Variants in DIP2A observed in about 807,000 individuals in gnomAD.
The protein encoded by DIP2A is DIP2 acetate--CoA ligase A, also known as disco-interacting protein 2 homolog A.
DIP2A carries 85 observed loss-of-function variants against 177.4 expected under a neutral mutation model. The ratio of observed to expected loss-of-function variants is 0.48; its 90% CI spans 0.40 to 0.57. The LOEUF is 0.57. DIP2A is among the 20% of genes least tolerant of loss of function. The pLI, the probability that DIP2A is intolerant of heterozygous loss-of-function variation, is 0.00. For missense variants in DIP2A, 1,791 were observed against 2,100.2 expected (o/e 0.85, Z 2.88); for synonymous variants, 886 against 881.8 (o/e 1.00, Z -0.08).
At chr21:46,562,618 A>G (rs1175273793) in intron 34 of DIP2A, among the ~76,000 whole-genome samples, 1 of 152,084 alleles carries the variant, frequency 6.6e-6, no homozygotes, top group Non-Finnish European at 1.5e-5. Flanking sequence ...AGCTGCTGTG[A>G]GGGTCTCGAG....
intron 1 of DIP2A, among the ~76,000 whole-genome samples, chr21:46,465,446 T>C (rs1288177674): frequency 6.6e-6 from 1 of 152,152 alleles, no homozygotes; most frequent in Non-Finnish European, 1.5e-5. Context: ...TGGTGGCACG[T>C]GCCTGTAATC....
At chr21:46,462,443 G>T (rs1468735417) in intron 1 of DIP2A, 7 of 152,162 alleles carry the variant, frequency 4.6e-5, no homozygotes. Flanking sequence ...GTAAAAGGGG[G>T]TGAATACCAG....
intron 1 of DIP2A, among the ~76,000 whole-genome samples, chr21:46,460,374 T>G (rs2054191822): frequency 6.6e-6 from 1 of 152,232 alleles, no homozygotes; most frequent in Non-Finnish European, 1.5e-5. Context: ...CAGAAAGGAC[T>G]TGCAGTCCTT....
At chr21:46,496,735 T>C (rs2148517498) in intron 3 of DIP2A, among the ~76,000 whole-genome samples, 1 of 152,356 alleles carries the variant, frequency 6.6e-6, no homozygotes, top group African/African-American at 2.4e-5. Flanking sequence ...TTTGTTTCAC[T>C]TTATTTTCAA....
chr21:46,498,937 G>A lies in DIP2A; in HGVS notation c.655+104G>A. On this transcript the variant is annotated intron_variant, in intron 5 of 37. Coordinates refer to ENST00000417564, the MANE Select transcript of DIP2A (RefSeq NM_015151.4). This position sits in a 1 kb window ranked among gnomAD's most constrained non-coding sequence, Gnocchi z 4.3. Reference sequence around the variant, plus strand: ...CACCTGAGCCAGGCGCCACCCTGCAGACTTAGCTGCAGGCCTGAGTGCTCT... The same window carrying A: ...CACCTGAGCCAGGCGCCACCCTGCAAACTTAGCTGCAGGCCTGAGTGCTCT... 1.4e-6 allele frequency: 2 copies of A among 1,421,674 alleles called. No individual in the cohort carries two copies. The highest frequency in any genetic ancestry group is 1.9e-6 in the Non-Finnish European group (2 of 1,076,442). The allele number at this position is 1,421,674 out of a possible 1,614,324, so 88.1% of individuals were successfully genotyped here. A position where few individuals can be genotyped will look rare whatever the true frequency, so the allele number is the denominator to read the frequency against.
chr21:46,573,090 A>G (rs189368438), downstream of DIP2A, among the ~76,000 whole-genome samples: 2 of 152,280 alleles, frequency 1.3e-5, no homozygotes, highest in East Asian at 3.9e-4. Context: ...TAAGTAATGC[A>G]TGGCTGTATG....
chr21:46,567,339 C>A, intron 37 of DIP2A, 31 bp from the exon 38 acceptor site: 1 of 1,596,044 alleles, frequency 6.3e-7, no homozygotes, highest in Non-Finnish European at 8.6e-7. Context: ...GTGCCTGTAT[C>A]CATGTGACCC....
intron 1 of DIP2A, among the ~76,000 whole-genome samples, chr21:46,476,447 C>T (rs796567040): frequency 2.3e-4 from 35 of 152,006 alleles, no homozygotes; most frequent in African/African-American, 7.5e-4. Context: ...GAAGAGTGCC[C>T]GAGGAAGGCG....
chr21:46,556,222 A>C lies in DIP2A; in HGVS notation c.3498+131A>C, dbSNP rs1455107797. On this transcript the variant is annotated intron_variant, in intron 29 of 37. Transcript: ENST00000417564. This position sits in a 1 kb window ranked among gnomAD's most constrained non-coding sequence, Gnocchi z 4.5. ...GCACAAAGCAACAATTTTGCTTCTT[A>C]AGATTTGTGTTAAATACCAATAAAT... 4 of 1,427,596 alleles carry C rather than the reference A, an allele frequency of 2.8e-6. No individual in the cohort carries two copies. Among genetic ancestry groups the C allele is most frequent in the Non-Finnish European group, 3.9e-6 (4 of 1,029,458 alleles). The allele number at this position is 1,427,596 out of a possible 1,614,324, so 88.4% of individuals were successfully genotyped here. A position where few individuals can be genotyped will look rare whatever the true frequency, so the allele number is the denominator to read the frequency against.
At chr21:46,533,141 G>A (rs762251) in intron 10 of DIP2A, among the ~76,000 whole-genome samples, 126,434 of 152,166 alleles carry the variant, frequency 0.83, 52,882 homozygotes, top group African/African-American at 0.92. Flanking sequence ...TAATATCGTT[G>A]GTGACCAGGC....
intron 7 of DIP2A, among the ~76,000 whole-genome samples, 178 bp downstream of exon 7, chr21:46,509,554 A>T (rs1776606394): frequency 6.6e-6 from 1 of 152,138 alleles, no homozygotes; most frequent in Admixed American, 6.5e-5. Flanking sequence ...CCTTTATTTG[A>T]GCAGGTAGAA....
chr21:46,463,344 C>T (rs924664446), intron 1 of DIP2A: 5 of 152,212 alleles, frequency 3.3e-5, no homozygotes, highest in South Asian at 4.1e-4. Context: ...CAGTGCTGTA[C>T]GTGTCTTGGA....
chr21:46,487,361 G>T (rs1395654088), intron 2 of DIP2A, among the ~76,000 whole-genome samples: 1 of 152,074 alleles, frequency 6.6e-6, no homozygotes, highest in Non-Finnish European at 1.5e-5. Flanking sequence ...TATCTCTAAA[G>T]CCCATTTGTC....
intron 8 of DIP2A, among the ~76,000 whole-genome samples, chr21:46,520,375 A>T (rs2058772988): frequency 6.6e-6 from 1 of 152,208 alleles, no homozygotes. Context: ...AGCTCATGTC[A>T]AAACAAGTTA....
intron 15 of DIP2A, 122 bp from the exon 16 acceptor site, chr21:46,538,360 GC>G: frequency 1.5e-6 from 2 of 1,363,574 alleles, no homozygotes; most frequent in Non-Finnish European, 1.9e-6. Flanking sequence ...TGACCTGGGA[GC>G]TAAGTGTTGT....
chr21:46,536,480 G>A (rs890354215), intron 13 of DIP2A, among the ~76,000 whole-genome samples: 8 of 152,346 alleles, frequency 5.3e-5, no homozygotes, highest in African/African-American at 1.4e-4. Flanking sequence ...GGGAGATGCC[G>A]GATCACGGCC....
intron 1 of DIP2A, among the ~76,000 whole-genome samples, chr21:46,466,102 G>T (rs539652977): frequency 6.6e-6 from 1 of 152,160 alleles, no homozygotes; most frequent in African/African-American, 2.4e-5. Flanking sequence ...AATAGTTAAC[G>T]ACTTCTTTGA....
At chr21:46,551,213 T>C (rs1408567100) in intron 23 of DIP2A, among the ~76,000 whole-genome samples, 2 of 152,246 alleles carry the variant, frequency 1.3e-5, no homozygotes, top group Non-Finnish European at 2.9e-5. Flanking sequence ...TTAACTTTAA[T>C]GCAATTTTTC....
chr21:46,518,451 T>A (rs1008105846), intron 8 of DIP2A, among the ~76,000 whole-genome samples: 1 of 152,238 alleles, frequency 6.6e-6, no homozygotes, highest in African/African-American at 2.4e-5. Context: ...TATGGTGGTA[T>A]TTCATTGTGG....
Sources: allele counts gnomAD v4.1 joint callset (sites outside exome capture counted in the v4.1 genomes callset), GRCh38; gene constraint gnomAD v4.1.1; non-coding constraint Gnocchi (gnomAD v3.1); transcripts MANE v1.5; gene names NCBI Gene and HGNC (gene_info 2026-07-23, HGNC 2026-07-21).